The following KIAA1217 variants were observed in gnomAD, a reference collection of about 807,000 sequenced individuals.
The protein encoded by KIAA1217 is sickle tail protein homolog.
KIAA1217 carries 88 observed loss-of-function variants against 163.9 expected under a neutral mutation model. The observed-to-expected ratio is 0.54, with a 90% CI of 0.45 to 0.64. The LOEUF (loss-of-function observed/expected upper bound fraction) is 0.64, where lower values mean the gene tolerates loss of function less well. KIAA1217 is among the 30% of genes least tolerant of loss of function. The probability of loss-of-function intolerance (pLI) is 0.00; values close to 1 mark genes in which losing one functional copy is unlikely to be tolerated. For missense variants in KIAA1217, 2,372 were observed against 2,475.0 expected, an observed-to-expected ratio of 0.96 and a Z score of 0.88; for synonymous variants, 903 against 923.1, an observed-to-expected ratio of 0.98 and a Z score of 0.39.
intron 2 of KIAA1217, among the ~76,000 whole-genome samples, chr10:24,138,112 A>G (rs997348533): frequency 6.6e-6 from 1 of 152,096 alleles, no homozygotes; most frequent in Non-Finnish European, 1.5e-5. Context: ...TTTCTTCTGG[A>G]CTTTTGGTTT....
chr10:24,358,635 T>C (rs2428307), intron 2 of KIAA1217, among the ~76,000 whole-genome samples: 72,823 of 152,186 alleles, frequency 0.48, 18,620 homozygotes, highest in African/African-American at 0.65. Context: ...TGAAGATCAA[T>C]GACTGTGCTG....
chr10:24,518,524 T>A (rs2070564090), intron 10 of KIAA1217, among the ~76,000 whole-genome samples: 1 of 152,172 alleles, frequency 6.6e-6, no homozygotes, highest in Non-Finnish European at 1.5e-5. Flanking sequence ...CTCCTTGAAG[T>A]ATTAATTACG....
At chr10:24,102,562 C>G (rs1476455921) in intron 2 of KIAA1217, among the ~76,000 whole-genome samples, 1 of 152,096 alleles carries the variant, frequency 6.6e-6, no homozygotes, top group East Asian at 1.9e-4. Context: ...TATGAAGAGG[C>G]AAATGACCCA....
intron 2 of KIAA1217, among the ~76,000 whole-genome samples, chr10:24,065,763 T>A (rs1302418955): frequency 1.3e-5 from 2 of 152,174 alleles, no homozygotes; most frequent in Non-Finnish European, 2.9e-5. Flanking sequence ...CCCATTATTA[T>A]TGTGTGGGAG....
chr10:24,069,168 C>A (rs374737170), intron 2 of KIAA1217, among the ~76,000 whole-genome samples: 2 of 152,152 alleles, frequency 1.3e-5, no homozygotes, highest in Non-Finnish European at 2.9e-5. Context: ...TCTCTGGAGT[C>A]ATCAAAGGCT....
intron 1 of KIAA1217, among the ~76,000 whole-genome samples, chr10:23,887,293 A>AAATAGAT (rs551404777): frequency 4.6e-4 from 70 of 152,070 alleles, no homozygotes; most frequent in Middle Eastern, 6.8e-3. Flanking sequence ...GGATGCAAAA[A>AAATAGAT]AATAGATTGT....
intron 1 of KIAA1217, among the ~76,000 whole-genome samples, chr10:23,808,930 G>A (rs1836862293): frequency 6.6e-6 from 1 of 152,028 alleles, no homozygotes; most frequent in Admixed American, 6.6e-5. Context: ...AGAGAGGAAG[G>A]CAAATCCGTA....
At chr10:23,919,414 T>C (rs1049590456) in intron 1 of KIAA1217, among the ~76,000 whole-genome samples, 1 of 151,876 alleles carries the variant, frequency 6.6e-6, no homozygotes, top group South Asian at 2.1e-4. Context: ...AAGACCAGCC[T>C]GGGCAACATG....
chr10:23,900,051 G>A (rs1243621761), intron 1 of KIAA1217, among the ~76,000 whole-genome samples: 1 of 150,034 alleles, frequency 6.7e-6, no homozygotes, highest in East Asian at 2.0e-4. Flanking sequence ...CTGTTGCCCA[G>A]ACTGGAGTGC....
At chr10:23,852,606 C>A (rs1054805706) in intron 1 of KIAA1217, among the ~76,000 whole-genome samples, 3 of 152,056 alleles carry the variant, frequency 2.0e-5, no homozygotes, top group African/African-American at 7.2e-5. Flanking sequence ...TACCTTGGGC[C>A]GTATGGCCAT....
intron 1 of KIAA1217, among the ~76,000 whole-genome samples, chr10:23,725,252 A>G (rs1170566974): frequency 6.6e-6 from 1 of 152,228 alleles, no homozygotes. Context: ...TTAATAAAAC[A>G]GTGTGACTGA....
intron 13 of KIAA1217, among the ~76,000 whole-genome samples, chr10:24,526,374 C>T (rs1174369955): frequency 1.3e-5 from 2 of 152,196 alleles, no homozygotes; most frequent in Non-Finnish European, 1.5e-5. Flanking sequence ...GAGTGTGATT[C>T]TATTCCCAGT....
Position 23,822,516 on chromosome 10 carries a change from T to C in KIAA1217, c.-321+127282T>C, listed in dbSNP as rs376083246. On this transcript the variant is annotated intron_variant, in intron 1 of 18. Coordinates refer to the KIAA1217 transcript ENST00000376462. ...TTTGTCTTTATTATTGTTGCTGATGTTGTTTTGTGTTAGAAGGAGCAAGAC... is the reference window on the plus strand; with the variant it reads ...TTTGTCTTTATTATTGTTGCTGATGCTGTTTTGTGTTAGAAGGAGCAAGAC... Among the ~76,000 whole-genome samples the C allele has an allele frequency of 3.3e-5, 5 of 152,214 alleles. No homozygotes were observed. In the East Asian group the frequency reaches 5.8e-4, roughly 18 times the overall value.
chr10:24,248,544 G>T (rs1436893860), intron 2 of KIAA1217, among the ~76,000 whole-genome samples: 1 of 151,828 alleles, frequency 6.6e-6, no homozygotes, highest in East Asian at 1.9e-4. Context: ...GGTGGCGGGT[G>T]CCTGTAATCC....
chr10:24,147,262 G>T (rs928777159), intron 2 of KIAA1217, among the ~76,000 whole-genome samples: 5 of 152,096 alleles, frequency 3.3e-5, no homozygotes, highest in African/African-American at 1.2e-4. Context: ...TTTTATTTTT[G>T]CAGTTCAGTG....
intron 2 of KIAA1217, among the ~76,000 whole-genome samples, chr10:24,065,734 C>T (rs1208996796): frequency 6.6e-6 from 1 of 152,132 alleles, no homozygotes; most frequent in African/African-American, 2.4e-5. Context: ...CTCATGTTGA[C>T]AGTAGGGTGT....
intron 5 of KIAA1217, chr10:24,449,402 T>C (rs2061222193): frequency 1.1e-6 from 1 of 928,618 alleles, no homozygotes; most frequent in Non-Finnish European, 1.3e-6. Flanking sequence ...ACGTGTTTCC[T>C]TGATATGGCT....
At position 24,064,818 on chromosome 10, in the gene KIAA1217, A is replaced by G. The variant is rs371839367; in HGVS notation, c.-171+57444A>G. On this transcript the variant is annotated intron_variant, in intron 2 of 18. Coordinates refer to the KIAA1217 transcript ENST00000376462. ...CTCTTAATTATTGCCCCAATTTCAG[A>G]GCCTGTTATTGGTCTATTCAGAGAT... Among the ~76,000 whole-genome samples the G allele has an allele frequency of 4.7e-4, 71 of 152,198 alleles. 1 individual carries two copies. In the East Asian group the frequency reaches 0.012, roughly 26 times the overall value.
chr10:24,534,086 G>A lies in KIAA1217; in HGVS notation c.3414+849G>A, dbSNP rs181093458. On this transcript the variant is annotated intron_variant, in intron 16 of 20. Coordinates refer to ENST00000376454, the MANE Select transcript of KIAA1217 (RefSeq NM_019590.5). ...CTCAAAAACATGTTAGCTTTTTACC[G>A]ACGTACCAATGGCTTTGTGCCAACC... 3.5e-4 allele frequency among the ~76,000 whole-genome samples: 53 copies of A among 152,282 alleles called. No homozygotes were observed. The South Asian group carries it at 9.7e-3, about 28-fold the overall frequency.
Sources: allele counts gnomAD v4.1 joint callset (sites outside exome capture counted in the v4.1 genomes callset), GRCh38; gene constraint gnomAD v4.1.1; transcripts MANE v1.5; gene names NCBI Gene and HGNC (gene_info 2026-07-23, HGNC 2026-07-21).